The following SGCD variants were observed in gnomAD, a reference collection of about 807,000 sequenced individuals.
SGCD encodes the protein sarcoglycan delta, also known as delta-sarcoglycan.
SGCD carries 18 observed loss-of-function variants against 36.6 expected under a neutral mutation model. The observed-to-expected ratio is 0.49, with a 90% CI of 0.34 to 0.73. The LOEUF is 0.73. Ranked by LOEUF, SGCD falls within the 30% of genes least tolerant of loss-of-function variation. The pLI is 0.01. For missense variants in SGCD, 387 were observed against 346.7 expected (o/e 1.12, Z -0.92); for synonymous variants, 133 against 130.6 (o/e 1.02, Z -0.12).
At position 156,041,057 on chromosome 5, in the gene SGCD, A is replaced by G. The variant is rs571714079; in HGVS notation, c.-281-76821A>G. On this transcript the variant is annotated intron_variant, in intron 1 of 9. Transcript: ENST00000517913. Reference sequence around the variant, plus strand: ...TTTCCTTCTGAAGTAGATTTGAAATAGTGTTTTTTTCCAGTATCCTTCCCA... The same window carrying G: ...TTTCCTTCTGAAGTAGATTTGAAATGGTGTTTTTTTCCAGTATCCTTCCCA... Among the ~76,000 whole-genome samples, 6 of 152,344 alleles carry G rather than the reference A, an allele frequency of 3.9e-5. No individual in the cohort carries two copies. In the South Asian group the frequency reaches 1.2e-3, roughly 32 times the overall value.
chr5:156,396,030 C>T (rs182430722), intron 3 of SGCD, among the ~76,000 whole-genome samples: 1 of 152,266 alleles, frequency 6.6e-6, no homozygotes, highest in East Asian at 1.9e-4. Flanking sequence ...CATGTTTCTT[C>T]ACTTAGAATT....
intron 3 of SGCD, among the ~76,000 whole-genome samples, chr5:156,292,359 G>A (rs973015449): frequency 6.6e-6 from 1 of 151,996 alleles, no homozygotes; most frequent in East Asian, 1.9e-4. Flanking sequence ...GAACAAGTGG[G>A]ATCTTACGTA....
At chr5:156,283,837 TAGA>T (rs1441453278) in intron 3 of SGCD, among the ~76,000 whole-genome samples, 2 of 152,162 alleles carry the variant, frequency 1.3e-5, no homozygotes, top group Non-Finnish European at 2.9e-5. Context: ...GACCTCAGAA[TAGA>T]AGATTATGCT....
intron 4 of SGCD, among the ~76,000 whole-genome samples, chr5:156,514,084 C>G (rs555316537): frequency 6.6e-6 from 1 of 152,290 alleles, no homozygotes; most frequent in South Asian, 2.1e-4. Context: ...CTAAGTATAA[C>G]TGCAAGTTTT....
At chr5:156,567,040 G>A (rs963342738) in intron 4 of SGCD, among the ~76,000 whole-genome samples, 1 of 152,076 alleles carries the variant, frequency 6.6e-6, no homozygotes, top group Non-Finnish European at 1.5e-5. Context: ...TATCCATTAA[G>A]TATCCACAAA....
chr5:156,054,378 C>T (rs1283771498), intron 1 of SGCD, among the ~76,000 whole-genome samples: 3 of 142,348 alleles, frequency 2.1e-5, no homozygotes, highest in Admixed American at 7.0e-5. Context: ...CTCCGCCTCC[C>T]GGGTTCACGC....
At chr5:156,640,948 ATTG>A (rs1763004831) in intron 6 of SGCD, among the ~76,000 whole-genome samples, 1 of 152,178 alleles carries the variant, frequency 6.6e-6, no homozygotes, top group African/African-American at 2.4e-5. Context: ...GCATCTGTGT[ATTG>A]TTCATGTCTG....
chr5:156,026,182 G>C (rs922004931), intron 1 of SGCD, among the ~76,000 whole-genome samples: 8 of 152,290 alleles, frequency 5.3e-5, no homozygotes, highest in Admixed American at 3.9e-4. Context: ...AAAAATACTT[G>C]TTGTTAGATT....
intron 3 of SGCD, among the ~76,000 whole-genome samples, chr5:156,450,986 C>G (rs533250640): frequency 3.7e-4 from 56 of 152,098 alleles, no homozygotes; most frequent in African/African-American, 1.3e-3. Flanking sequence ...TCTGTTTATC[C>G]AGGGATGGGC....
At chr5:156,140,041 T>C (rs1410358919) in intron 3 of SGCD, among the ~76,000 whole-genome samples, 1 of 152,222 alleles carries the variant, frequency 6.6e-6, no homozygotes, top group Admixed American at 6.5e-5. Flanking sequence ...ACCCCTCACC[T>C]GACAACAAAC....
intron 4 of SGCD, among the ~76,000 whole-genome samples, chr5:156,509,150 G>A (rs1274599389): frequency 6.6e-6 from 1 of 152,168 alleles, no homozygotes; most frequent in African/African-American, 2.4e-5. Flanking sequence ...ATCAAGCTGA[G>A]TACAGTGGCT....
At chr5:156,209,183 C>A (rs1764371550) in intron 3 of SGCD, among the ~76,000 whole-genome samples, 1 of 152,190 alleles carries the variant, frequency 6.6e-6, no homozygotes, top group Non-Finnish European at 1.5e-5. Flanking sequence ...ATTTCACAGC[C>A]TCTGGCTTTT....
At chr5:156,424,525 C>T (rs1448074005) in intron 3 of SGCD, among the ~76,000 whole-genome samples, 2 of 152,088 alleles carry the variant, frequency 1.3e-5, no homozygotes, top group Admixed American at 1.3e-4. Context: ...GGTCTTGCCA[C>T]ATCAATATCA....
chr5:156,657,218 ACTT>A (rs981069703), intron 7 of SGCD, among the ~76,000 whole-genome samples: 2 of 150,796 alleles, frequency 1.3e-5, no homozygotes, highest in African/African-American at 2.4e-5. Flanking sequence ...AAATAGTCTG[ACTT>A]TTTTTTTTTC....
At chr5:155,801,966 C>T in the SGCD span, among the ~76,000 whole-genome samples, 1 of 152,120 alleles carries the variant, frequency 6.6e-6, no homozygotes, top group Non-Finnish European at 1.5e-5. Flanking sequence ...CTTTCCCCAC[C>T]ATCTTATCTT....
At chr5:156,386,190 G>T (rs933376838) in intron 3 of SGCD, among the ~76,000 whole-genome samples, 6 of 152,166 alleles carry the variant, frequency 3.9e-5, no homozygotes, top group Non-Finnish European at 1.5e-5. Flanking sequence ...CAGATTGTGT[G>T]GTCAGCAGTG....
At position 156,183,157 on chromosome 5, in the gene SGCD, A is replaced by G. The variant is rs527676031; in HGVS notation, c.-44+59138A>G. ...TGGCTGGGTGTGGTGCTGGAGAAAG[A>G]TATGTGGAGCAGAGTCATGTTACCC... On this transcript the variant is annotated intron_variant, in intron 3 of 9. Transcript: ENST00000517913. Among the ~76,000 whole-genome samples, 4 of 152,240 alleles carry G rather than the reference A, an allele frequency of 2.6e-5. No homozygotes were observed. The South Asian group carries it at 8.3e-4, about 32-fold the overall frequency.
chr5:156,724,251 T>C (rs145890359), intron 7 of SGCD, among the ~76,000 whole-genome samples: 220 of 152,302 alleles, frequency 1.4e-3, no homozygotes, highest in African/African-American at 4.9e-3. Flanking sequence ...GATGTTCACA[T>C]AGGACACCTA....
intron 3 of SGCD, among the ~76,000 whole-genome samples, chr5:156,414,069 G>C (rs1012963875): frequency 6.6e-6 from 1 of 152,174 alleles, no homozygotes; most frequent in African/African-American, 2.4e-5. Flanking sequence ...CCATTTTCTC[G>C]ATTAGACTAT....
Sources: allele counts gnomAD v4.1 joint callset (sites outside exome capture counted in the v4.1 genomes callset), GRCh38; gene constraint gnomAD v4.1.1; transcripts MANE v1.5; gene names NCBI Gene and HGNC (gene_info 2026-07-23, HGNC 2026-07-21).